Variants in IGSF22 observed in about 807,000 individuals in gnomAD.
IGSF22 encodes immunoglobulin superfamily, member 22.
In IGSF22, 119 loss-of-function variants were observed where a neutral mutation model predicts 127.0. The ratio of observed to expected loss-of-function variants is 0.94; its 90% CI spans 0.81 to 1.09. The LOEUF is 1.09. Among genes scored for constraint, IGSF22 ranks in the 50% least tolerant of loss-of-function variants. The probability of loss-of-function intolerance (pLI) is 0.00; values close to 1 mark genes in which losing one functional copy is unlikely to be tolerated. For synonymous variants in IGSF22, 568 were observed against 664.7 expected (o/e 0.85, Z 2.24); for missense variants, 1,518 against 1,716.6 (o/e 0.88, Z 2.04).
Position 18,716,589 on chromosome 11 carries a change from C to T in IGSF22, c.1246+139G>A. On this transcript the variant is annotated intron_variant, in intron 10 of 22. Transcript: ENST00000513874. The surrounding 1 kb of genome is among the most constrained non-coding windows in gnomAD (Gnocchi z 4.5). ...GACTAGGGGTTAACAGAGAGGAGAT[C>T]CCCCTGTCTTTCCAGTACCTACCAC... 1 of 797,272 alleles carries T rather than the reference C, an allele frequency of 1.3e-6. No individual in the cohort carries two copies. The highest frequency in any genetic ancestry group is 2.0e-6 in the Non-Finnish European group (1 of 496,700). The allele number at this position is 797,272 out of a possible 1,614,324, so 49.4% of individuals were successfully genotyped here.
chr11:18,704,885 G>A (rs1848192364), intron 22 of IGSF22: 1 of 278,792 alleles, frequency 3.6e-6, no homozygotes, highest in Non-Finnish European at 7.1e-6. Flanking sequence ...AGTTATCAGG[G>A]ATCTCTTTAG....
Position 18,708,285 on chromosome 11 carries a change from C to T in IGSF22, c.3009G>A (p.Lys1003=), listed in dbSNP as rs766247852. Residue 1003 remains lysine (K), a synonymous_variant, in exon 19 of 23, where the codon AAG becomes AAA. Transcript: ENST00000513874. ...TCTTCAGCCGGGCACTGAGGTCAAACTTGGGTGCAGCTGAGATGGAGGAGA... is the reference window on the plus strand; with the variant it reads ...TCTTCAGCCGGGCACTGAGGTCAAATTTGGGTGCAGCTGAGATGGAGGAGA... ...VRAMPPPAAP[K]FDLSARLKSH... The T allele has an allele frequency of 1.3e-6, 2 of 1,546,984 alleles. No individual in the cohort carries two copies. Among genetic ancestry groups the T allele is most frequent in the South Asian group, 2.4e-5 (2 of 83,104 alleles).
Position 18,714,552 on chromosome 11 carries a change from A to G in IGSF22, c.1604T>C (p.Val535Ala). 2 of 1,614,128 alleles carry G rather than the reference A, an allele frequency of 1.2e-6. No individual in the cohort carries two copies. Among genetic ancestry groups the G allele is most frequent in the Non-Finnish European group, 1.7e-6 (2 of 1,180,014 alleles). ...AATGSPAELC[V>A]VLNDEKVEGV... ...CTCCACCTTCTCGTCATTCAGCACT[A>G]CACACAACTCAGCTGGGCTCCCAGT... is the stretch of plus-strand genomic sequence containing the variant. The change falls in exon 12 of 23, where the codon GTA becomes GCA. Residue 535 changes from valine to alanine, a missense_variant. Physicochemically the swap from Val to Ala is moderately conservative, Grantham distance 64. Around this residue, in one of 3 missense-constraint regions of IGSF22, gnomAD observed 1,456 missense variants for 1,644.9 expected, o/e 0.89. Coordinates refer to ENST00000513874, the MANE Select transcript of IGSF22 (RefSeq NM_173588.4).
intron 3 of IGSF22, 108 bp from the exon 4 acceptor site, chr11:18,721,779 G>A (rs1848578845): frequency 1.3e-6 from 2 of 1,587,834 alleles, no homozygotes; most frequent in Non-Finnish European, 1.7e-6. Context: ...CTGGCCCCGG[G>A]CAGGGGAGGA....
Position 18,712,206 on chromosome 11 carries a change from G to A in IGSF22, c.2274C>T (p.Val758=). 6.4e-7 allele frequency: 1 copy of A among 1,551,740 alleles called. No individual in the cohort carries two copies. The highest frequency in any genetic ancestry group is 8.7e-7 in the Non-Finnish European group (1 of 1,147,002). Residue 758 remains valine (V), a synonymous_variant, in exon 15 of 23, where the codon GTC becomes GTT. Transcript: ENST00000513874. ...WIKIGEVDGK[V]TNFSTNKVEE... ...CCACCTTGTTGGTGGAGAAGTTGGT[G>A]ACTTTGCCGTCCACCTCGCCTATCT...
At chr11:18,722,845 C>T (rs545894629) in intron 2 of IGSF22, among the ~76,000 whole-genome samples, 11 of 152,198 alleles carry the variant, frequency 7.2e-5, no homozygotes, top group African/African-American at 2.7e-4. Flanking sequence ...TGTTAAGAAG[C>T]TCTCATGGCC....
At position 18,720,205 on chromosome 11, in the gene IGSF22, T is replaced by C. The variant is rs1164008699; in HGVS notation, c.459A>G (p.Val153=). 6.2e-7 allele frequency: 1 copy of C among 1,614,102 alleles called. No homozygotes were observed. Among genetic ancestry groups the C allele is most frequent in the Admixed American group, 1.7e-5 (1 of 60,016 alleles). ...ACTCACCTTCTGTTACCAGCAGAGATACGGTATAGATGGCATCTGCATGGT... is the reference window on the plus strand; with the variant it reads ...ACTCACCTTCTGTTACCAGCAGAGACACGGTATAGATGGCATCTGCATGGT... ...SNDHADAIYT[V]SLLVTEGQEK... Residue 153 remains valine (V), a synonymous_variant, in exon 5 of 23, where the codon GTA becomes GTG. Transcript: ENST00000513874.
chr11:18,709,603 C>T lies in IGSF22; in HGVS notation c.2782G>A (p.Glu928Lys). 3.1e-6 allele frequency: 5 copies of T among 1,614,198 alleles called. No individual in the cohort carries two copies. Among genetic ancestry groups the T allele is most frequent in the South Asian group, 1.1e-5 (1 of 91,084 alleles). Reference protein sequence around the residue: ...SISLAWREPAEGDPPSGYILE... With the variant: ...SISLAWREPAKGDPPSGYILE... ...ATGTAGCCAGAGGGTGGGTCTCCCT[C>T]TGCAGGCTCCCGCCAGGCCAGGGAA... Residue 928 changes from glutamate to lysine, a missense_variant, in exon 18 of 23, where the codon GAG (glutamate) becomes AAG (lysine). Physicochemically the swap from Glu to Lys is moderately conservative, Grantham distance 56 (BLOSUM62 1). This residue lies in a region of IGSF22 where 1,456 missense variants were observed against 1,644.9 expected (regional missense o/e 0.89). Transcript: ENST00000513874. This position sits in a 1 kb window ranked among gnomAD's most constrained non-coding sequence, Gnocchi z 4.8.
Position 18,710,421 on chromosome 11 carries a change from G to A in IGSF22, c.2607C>T (p.Asp869=). 2 of 1,614,198 alleles carry A rather than the reference G, an allele frequency of 1.2e-6. No homozygotes were observed. Among genetic ancestry groups the A allele is most frequent in the Non-Finnish European group, 1.7e-6 (2 of 1,180,046 alleles). Reference sequence around the variant, plus strand: ...CTATAACTCGGAATTCATATTCTGTGTCCTCCAGGAGACCATCCACAGTGC... The same window carrying A: ...CTATAACTCGGAATTCATATTCTGTATCCTCCAGGAGACCATCCACAGTGC... ...TKCTVDGLLE[D]TEYEFRVIAV... The change falls in exon 17 of 23, where the codon GAC becomes GAT. Residue 869 remains aspartate, a synonymous_variant. Transcript: ENST00000513874.
intron 21 of IGSF22, among the ~76,000 whole-genome samples, chr11:18,706,386 C>G (rs991364915): frequency 1.0e-3 from 140 of 137,800 alleles, no homozygotes; most frequent in Middle Eastern, 7.6e-3. Flanking sequence ...ACCACGCTTT[C>G]CCACACCCCT....
intron 15 of IGSF22, among the ~76,000 whole-genome samples, chr11:18,711,778 A>T (rs1848361399): frequency 6.6e-6 from 1 of 152,236 alleles, no homozygotes; most frequent in African/African-American, 2.4e-5. Context: ...CCCTAAAGCA[A>T]CATCATGCTC....
chr11:18,714,806 G>A (rs1848430255), intron 11 of IGSF22, among the ~76,000 whole-genome samples, 182 bp from the exon 12 acceptor site: 1 of 151,008 alleles, frequency 6.6e-6, no homozygotes, highest in South Asian at 2.1e-4. Context: ...GTCAGTGGGG[G>A]GAACTGGAGC....
chr11:18,704,475 A>G lies in IGSF22; in HGVS notation c.3974T>C (p.Leu1325Pro), dbSNP rs201097083. ...TESLQKKSKH[L>P]M ...CCTGGGCTTGGCTGGAGCTCACATG[A>G]GGTGCTTTGATTTCTTCTGCAGACT... Residue 1325 changes from leucine to proline, a missense_variant, in exon 23 of 23, where the codon CTC becomes CCC. Leu to Pro is a moderately conservative substitution (Grantham distance 98). Around this residue, in one of 3 missense-constraint regions of IGSF22, gnomAD observed 58 missense variants for 53.0 expected, o/e 1.10. Transcript: ENST00000513874. The G allele has an allele frequency of 5.6e-4, 863 of 1,549,594 alleles. 1 individual carries two copies. The highest frequency in any genetic ancestry group is 5.3e-4 in the Admixed American group (27 of 50,982).
In IGSF22 at chr11:18,724,135, G is replaced by C; in HGVS notation, c.102C>G (p.Ile34Met). 6.2e-7 allele frequency: 1 copy of C among 1,611,868 alleles called. No homozygotes were observed. The highest frequency in any genetic ancestry group is 8.5e-7 in the Non-Finnish European group (1 of 1,178,162). ...HVQTFSQTTKIVGEEVVRRKS... is the reference protein window; with the variant it reads ...HVQTFSQTTKMVGEEVVRRKS... ...TGCCCCCATTCCACTTGCCTCCCACGATCTTGGTTGTCTGGGAGAAGGTCT... is the reference window on the plus strand; with the variant it reads ...TGCCCCCATTCCACTTGCCTCCCACCATCTTGGTTGTCTGGGAGAAGGTCT... Residue 34 changes from isoleucine to methionine, a missense_variant, in exon 2 of 23, where the codon ATC (isoleucine) becomes ATG (methionine). Ile to Met is a conservative substitution (Grantham distance 10). Coordinates refer to ENST00000513874, the MANE Select transcript of IGSF22 (RefSeq NM_173588.4).
chr11:18,722,453 G>T (rs1323805811), intron 2 of IGSF22, among the ~76,000 whole-genome samples: 6 of 152,132 alleles, frequency 3.9e-5, no homozygotes, highest in Admixed American at 3.9e-4. Context: ...CTCTGCTCTA[G>T]ATTTTCTCCC....
rs1282780963 is a variant in IGSF22 at position 18,715,556 on chromosome 11, C to G, written c.1407G>C (p.Glu469Asp). 6.2e-7 allele frequency: 1 copy of G among 1,613,946 alleles called. No individual in the cohort carries two copies. The highest frequency in any genetic ancestry group is 8.5e-7 in the Non-Finnish European group (1 of 1,180,012). Residue 469 changes from glutamate (E) to aspartate (D), a missense_variant, in exon 11 of 23, where the codon GAG becomes GAC. This residue lies in a region of IGSF22 where 1,456 missense variants were observed against 1,644.9 expected (regional missense o/e 0.89). Transcript: ENST00000513874. ...CAATGATCAGCTCTGCTCGCTTGCC[C>G]TCATGGTTCATGCTGTACTTAGTGC... ...MHGTKYSMNH[E>D]GKRAELIIED... is the part of the protein sequence containing the mutation.
intron 20 of IGSF22, chr11:18,707,466 T>C (rs904225325): frequency 7.6e-6 from 4 of 527,782 alleles, no homozygotes; most frequent in Non-Finnish European, 1.3e-5. Flanking sequence ...GTAGAAATAG[T>C]GGGTAAAGAG....
rs200008059 is a variant in IGSF22 at position 18,707,990 on chromosome 11, G to A, written c.3094C>T (p.Pro1032Ser). Reference protein sequence around the residue: ...LCIHAAFSGSPPPDVIWQKDG... With the variant: ...LCIHAAFSGSSPPDVIWQKDG... ...TTCTGCCAGATCACGTCAGGTGGTG[G>A]TGAGCCCTGAGTAGTGACAGGAGAT... The change falls in exon 20 of 23, where the codon CCA (proline) becomes TCA (serine). Residue 1032 changes from proline to serine, a missense_variant. Around this residue, in one of 3 missense-constraint regions of IGSF22, gnomAD observed 1,456 missense variants for 1,644.9 expected, o/e 0.89. Transcript: ENST00000513874. The A allele has an allele frequency of 2.5e-6, 4 of 1,614,036 alleles. No individual in the cohort carries two copies. Among genetic ancestry groups the A allele is most frequent in the South Asian group, 1.1e-5 (1 of 91,078 alleles).
Position 18,705,965 on chromosome 11 carries a change from C to T in IGSF22, c.3762G>A (p.Thr1254=), listed in dbSNP as rs530222528. 12 of 1,551,592 alleles carry T rather than the reference C, an allele frequency of 7.7e-6. No individual in the cohort carries two copies. Among genetic ancestry groups the T allele is most frequent in the Middle Eastern group, 1.7e-4 (1 of 6,014 alleles). Residue 1254 remains threonine (T), a synonymous_variant, in exon 22 of 23, where the codon ACG becomes ACA. Transcript: ENST00000513874. ...VTLYKGDVNI[T]ANSKFWYNST... is the part of the protein sequence containing the mutation. ...AGTTGTACCAGAACTTGGAGTTGGCCGTGATGTTGACGTCGCCCTTGTAGA... is the reference window on the plus strand; with the variant it reads ...AGTTGTACCAGAACTTGGAGTTGGCTGTGATGTTGACGTCGCCCTTGTAGA...
Sources: gnomAD v4.1 joint callset for allele counts (sites outside exome capture counted in the v4.1 genomes callset) on GRCh38, gnomAD v4.1.1 for gene constraint, gnomAD v4.1.1 regional missense constraint, Gnocchi (gnomAD v3.1) non-coding constraint, MANE v1.5 for transcripts, NCBI Gene and HGNC (gene_info 2026-07-23, HGNC 2026-07-21) for gene names.